CRYBB2: variants seen among roughly 807,000 people sequenced by gnomAD.
CRYBB2 encodes crystallin beta B2.
In CRYBB2, 12 loss-of-function variants were observed where a neutral mutation model predicts 24.3. That is an observed-to-expected ratio of 0.49 (90% CI 0.32 to 0.80). The LOEUF is 0.80. CRYBB2 is among the 30% of genes least tolerant of loss of function. The probability of loss-of-function intolerance (pLI) is 0.04; values close to 1 mark genes in which losing one functional copy is unlikely to be tolerated. For missense variants in CRYBB2, 198 were observed against 268.5 expected, an observed-to-expected ratio of 0.74 and a Z score of 1.83; for synonymous variants, 98 against 101.6, an observed-to-expected ratio of 0.96 and a Z score of 0.21.
At position 25,231,736 on chromosome 22, in the gene CRYBB2, G is replaced by A; in HGVS notation, c.582G>A (p.Gln194=). ...VQSVRRIRDM[Q]WHQRGAFHPS... is the part of the protein sequence containing the mutation. ...CCGTGCGCCGTATCCGCGACATGCAGTGGCACCAACGTGGTGCCTTCCACC... is the reference window on the plus strand; with the variant it reads ...CCGTGCGCCGTATCCGCGACATGCAATGGCACCAACGTGGTGCCTTCCACC... The change falls in exon 6 of 6, where the codon CAG becomes CAA. Residue 194 remains glutamine, a synonymous_variant. Transcript: ENST00000398215. The A allele has an allele frequency of 6.2e-7, 1 of 1,614,156 alleles. No individual in the cohort carries two copies. Among genetic ancestry groups the A allele is most frequent in the Non-Finnish European group, 8.5e-7 (1 of 1,180,016 alleles).
In CRYBB2 at chr22:25,221,924, T is replaced by G. The variant is rs144670876; in HGVS notation, c.54+441T>G. Among the ~76,000 whole-genome samples, 1,521 of 152,350 alleles carry G rather than the reference T, an allele frequency of 1.0e-2. 15 individuals are homozygous for G. The highest frequency in any genetic ancestry group is 0.041 in the Middle Eastern group (12 of 294). On this transcript the variant is annotated intron_variant, in intron 2 of 5. Coordinates refer to ENST00000398215, the MANE Select transcript of CRYBB2 (RefSeq NM_000496.3). ...TCTATAAAAGGAGGAGTCAGATTTA[T>G]TGCACAGGGAAGTTGTGAGAGCCAA...
At chr22:25,230,419 G>C (rs978641222) in intron 5 of CRYBB2, among the ~76,000 whole-genome samples, 1 of 152,026 alleles carries the variant, frequency 6.6e-6, no homozygotes, top group African/African-American at 2.4e-5. Flanking sequence ...GCCTCCCAAA[G>C]TGCAGGGATT....
At chr22:25,218,739 GA>G, upstream of CRYBB2, among the ~76,000 whole-genome samples, 1 of 22,416 alleles carries the variant, frequency 4.5e-5, no homozygotes, top group Non-Finnish European at 7.9e-5. Flanking sequence ...AGAGAGGGGA[GA>G]GAGAGAGAGA....
chr22:25,221,003 A>G (rs1052029706), intron 1 of CRYBB2, among the ~76,000 whole-genome samples: 1 of 152,178 alleles, frequency 6.6e-6, no homozygotes, highest in South Asian at 2.1e-4. Flanking sequence ...AATACAGCCA[A>G]TGCATAGGTT....
chr22:25,218,213 C>G (rs147726651), upstream of CRYBB2, among the ~76,000 whole-genome samples: 281 of 150,562 alleles, frequency 1.9e-3, 2 homozygotes, highest in African/African-American at 5.7e-3. Flanking sequence ...GAGCTGAGAT[C>G]GTGCCACTGC....
chr22:25,224,010 G>A (rs1335520263), intron 2 of CRYBB2, among the ~76,000 whole-genome samples: 5 of 151,934 alleles, frequency 3.3e-5, no homozygotes, highest in African/African-American at 1.2e-4. Flanking sequence ...TGTAGTCCCA[G>A]CTACTCAGGA....
upstream of CRYBB2, among the ~76,000 whole-genome samples, chr22:25,218,838 G>GAAAGAAAGAA (rs386365958): frequency 3.6e-3 from 357 of 98,032 alleles, 15 homozygotes; most frequent in East Asian, 0.016. Context: ...AAGAAAGAAA[G>GAAAGAAAGAA]AGAAAGAAAG....
At chr22:25,218,814 G>GAAAGA (rs1555888312), upstream of CRYBB2, among the ~76,000 whole-genome samples, 4 of 126,330 alleles carry the variant, frequency 3.2e-5, no homozygotes, top group African/African-American at 1.3e-4. Context: ...AAGAAAGAAA[G>GAAAGA]AAAGAAAGAA....
At chr22:25,224,437 C>G (rs922727202) in intron 2 of CRYBB2, among the ~76,000 whole-genome samples, 1 of 152,140 alleles carries the variant, frequency 6.6e-6, no homozygotes, top group East Asian at 1.9e-4. Context: ...ATAATTAGTT[C>G]TCCCACAAGC....
upstream of CRYBB2, among the ~76,000 whole-genome samples, chr22:25,218,254 A>T (rs370128199): frequency 8.5e-6 from 1 of 117,990 alleles, no homozygotes; most frequent in Admixed American, 8.4e-5. Flanking sequence ...GCGAGACTCC[A>T]TCTCAAAAAA....
At chr22:25,220,223 T>A (rs942569282) in intron 1 of CRYBB2, among the ~76,000 whole-genome samples, 2 of 152,228 alleles carry the variant, frequency 1.3e-5, no homozygotes, top group African/African-American at 2.4e-5. Context: ...GCATGCTGAG[T>A]GTGTTCTGGG....
At chr22:25,222,871 T>C (rs1935344508) in intron 2 of CRYBB2, among the ~76,000 whole-genome samples, 1 of 151,544 alleles carries the variant, frequency 6.6e-6, no homozygotes, top group Non-Finnish European at 1.5e-5. Flanking sequence ...TAGGCAGATA[T>C]TTTACATTAT....
upstream of CRYBB2, among the ~76,000 whole-genome samples, chr22:25,212,114 G>A (rs1935113550): frequency 6.6e-6 from 1 of 152,216 alleles, no homozygotes; most frequent in Admixed American, 6.5e-5. Context: ...CAATATGAGT[G>A]TTCATCATCC....
At chr22:25,220,790 T>G (rs115689266) in intron 1 of CRYBB2, among the ~76,000 whole-genome samples, 1 of 152,324 alleles carries the variant, frequency 6.6e-6, no homozygotes, top group African/African-American at 2.4e-5. Flanking sequence ...TGCCTGGATT[T>G]CTACCGTCGC....
chr22:25,227,748 C>A, intron 3 of CRYBB2, 105 bp from the exon 4 acceptor site: 6 of 1,593,196 alleles, frequency 3.8e-6, no homozygotes, highest in Non-Finnish European at 5.1e-6. Flanking sequence ...TCTTGCCGGG[C>A]TGGGCAAGAG....
upstream of CRYBB2, among the ~76,000 whole-genome samples, chr22:25,217,069 G>A (rs1291055989): frequency 6.6e-6 from 1 of 152,102 alleles, no homozygotes; most frequent in Non-Finnish European, 1.5e-5. Flanking sequence ...TGTGAATAAT[G>A]CTGCTATGAA....
upstream of CRYBB2, among the ~76,000 whole-genome samples, chr22:25,217,506 G>A (rs996525079): frequency 5.3e-5 from 8 of 152,026 alleles, no homozygotes; most frequent in Non-Finnish European, 1.0e-4. Flanking sequence ...TAGTAGAGAC[G>A]GGGTTTCTCC....
At chr22:25,218,314 G>A (rs904158601), upstream of CRYBB2, among the ~76,000 whole-genome samples, 1 of 151,008 alleles carries the variant, frequency 6.6e-6, no homozygotes, top group Non-Finnish European at 1.5e-5. Context: ...CCATGTGGCA[G>A]CGATGGGGCC....
intron 1 of CRYBB2, chr22:25,213,441 G>A (rs1057086482): frequency 4.6e-5 from 7 of 152,130 alleles, no homozygotes; most frequent in Admixed American, 1.3e-4. Context: ...TGAAAACAAC[G>A]AAACTTATTT....
Sources: allele counts gnomAD v4.1 joint callset (sites outside exome capture counted in the v4.1 genomes callset), GRCh38; gene constraint gnomAD v4.1.1; transcripts MANE v1.5; gene names NCBI Gene and HGNC (gene_info 2026-07-23, HGNC 2026-07-21).